Variants in LUC7L2 observed in about 807,000 individuals in gnomAD.
LUC7L2 encodes the protein putative RNA-binding protein Luc7-like 2.
In LUC7L2, 25 loss-of-function variants were observed where a neutral mutation model predicts 52.8. The observed-to-expected ratio is 0.47, with a 90% CI of 0.34 to 0.66. LUC7L2 has a LOEUF of 0.66. LUC7L2 is among the 30% of genes least tolerant of loss of function. The pLI is 0.01. For missense variants in LUC7L2, 328 were observed against 497.8 expected (o/e 0.66, Z 3.25); for synonymous variants, 144 against 160.9 (o/e 0.89, Z 0.80).
At chr7:139,375,494 A>AT (rs1363483354) in intron 1 of LUC7L2, 2 of 985,506 alleles carry the variant, frequency 2.0e-6, no homozygotes, top group East Asian at 1.1e-4. Flanking sequence ...TACCCTCTCT[A>AT]ACTCCTCCCA....
At chr7:139,376,263 T>C in intron 2 of LUC7L2, 107 bp downstream of exon 2, 1 of 1,109,498 alleles carries the variant, frequency 9.0e-7, no homozygotes. Context: ...GAGGGGAGAT[T>C]TGCATCCTTT....
chr7:139,408,717 C>T lies in LUC7L2; in HGVS notation c.688-846C>T, dbSNP rs192074558. 3.3e-5 allele frequency among the ~76,000 whole-genome samples: 5 copies of T among 152,040 alleles called. No individual in the cohort carries two copies. The East Asian group carries it at 9.7e-4, about 30-fold the overall frequency. The stretch of plus-strand genomic sequence containing the variant: ...ATTAGCTGGGTGTGGTGGCATGTGC[C>T]TGTAGTCCCAGCTACTCTGGAGACT... On this transcript the variant is annotated intron_variant, in intron 6 of 9. Transcript: ENST00000354926.
intron 2 of LUC7L2, among the ~76,000 whole-genome samples, chr7:139,393,338 G>A (rs991932479): frequency 3.9e-5 from 6 of 152,096 alleles, no homozygotes; most frequent in African/African-American, 1.4e-4. Flanking sequence ...GGCTTAAGCG[G>A]GAGGATTGCT....
intron 1 of LUC7L2, among the ~76,000 whole-genome samples, chr7:139,365,004 T>C (rs1049001792): frequency 2.0e-5 from 3 of 152,258 alleles, no homozygotes; most frequent in Non-Finnish European, 4.4e-5. Context: ...GGATATTTCT[T>C]AGTCTAGAGC....
rs71169090 is a variant in LUC7L2, at chr7:139,399,449, A to ATTTTTTTTTTTTTTTTTTTTTTT, written c.255+768_255+790dup. Among the ~76,000 whole-genome samples the ATTTTTTTTTTTTTTTTTTTTTTT allele has an allele frequency of 9.9e-5, 5 of 50,458 alleles. 1 individual carries two copies. The highest frequency in any genetic ancestry group is 1.6e-3 in the East Asian group (2 of 1,260). The allele number at this position is 50,458 out of a possible 152,430, so 33.1% of individuals were successfully genotyped here. A position where few individuals can be genotyped will look rare whatever the true frequency, so the allele number is the denominator to read the frequency against. On this transcript the variant is annotated intron_variant, in intron 3 of 9. Coordinates refer to ENST00000354926, the MANE Select transcript of LUC7L2 (RefSeq NM_016019.5). ...GGACATGCATATGGGTGTTTGGGGG[A>ATTTTTTTTTTTTTTTTTTTTTTT]TTTTTTTTTTTTTTTTTTTTTTTTT...
intron 1 of LUC7L2, among the ~76,000 whole-genome samples, chr7:139,368,912 A>G (rs1336998084): frequency 6.6e-6 from 1 of 152,026 alleles, no homozygotes; most frequent in Admixed American, 6.5e-5. Context: ...CGTCTCCTTC[A>G]TGGTGATCTG....
chr7:139,392,426 T>G (rs1262913279), intron 2 of LUC7L2: 3 of 388,076 alleles, frequency 7.7e-6, no homozygotes, highest in African/African-American at 2.1e-5. Context: ...TTTGTTACCT[T>G]TGTTAGTAAA....
intron 9 of LUC7L2, among the ~76,000 whole-genome samples, chr7:139,421,659 C>T (rs538346416): frequency 2.0e-5 from 3 of 152,194 alleles, no homozygotes; most frequent in East Asian, 3.9e-4. Context: ...AAACTGTTGC[C>T]GATAGGCCAA....
chr7:139,365,482 A>C (rs1183936385), intron 1 of LUC7L2, among the ~76,000 whole-genome samples: 1 of 152,170 alleles, frequency 6.6e-6, no homozygotes, highest in Non-Finnish European at 1.5e-5. Flanking sequence ...GTAGGAATTC[A>C]ATGGCCATGA....
intron 1 of LUC7L2, among the ~76,000 whole-genome samples, chr7:139,371,885 A>C (rs1181829432): frequency 3.3e-5 from 5 of 152,306 alleles, no homozygotes; most frequent in Non-Finnish European, 7.4e-5. Context: ...GATGAATAAT[A>C]TGCATCCTCA....
intron 1 of LUC7L2, among the ~76,000 whole-genome samples, chr7:139,361,479 A>G (rs1186156051): frequency 1.3e-5 from 2 of 152,238 alleles, no homozygotes; most frequent in Non-Finnish European, 2.9e-5. Flanking sequence ...TTGCATTCAA[A>G]TCTTTCAGCA....
At chr7:139,383,742 CT>C (rs1184899822) in intron 2 of LUC7L2, among the ~76,000 whole-genome samples, 2 of 132,384 alleles carry the variant, frequency 1.5e-5, no homozygotes, top group Admixed American at 7.6e-5. Flanking sequence ...TTTCTTTTTT[CT>C]TTTTTTTTGT....
chr7:139,400,542 G>A (rs9640925), intron 3 of LUC7L2, among the ~76,000 whole-genome samples: 58,356 of 151,972 alleles, frequency 0.38, 15,621 homozygotes, highest in African/African-American at 0.76. Context: ...TATTTCATTA[G>A]TTCTAAACGC....
chr7:139,390,597 C>A (rs1211050654), intron 2 of LUC7L2, among the ~76,000 whole-genome samples: 1 of 150,834 alleles, frequency 6.6e-6, no homozygotes, highest in Non-Finnish European at 1.5e-5. Flanking sequence ...GCTTTGTCGC[C>A]CAGGCTGGAG....
chr7:139,407,311 G>A lies in LUC7L2; in HGVS notation c.648G>A (p.Leu216=). 3 of 1,608,776 alleles carry A rather than the reference G, an allele frequency of 1.9e-6. No individual in the cohort carries two copies. The highest frequency in any genetic ancestry group is 2.5e-6 in the Non-Finnish European group (3 of 1,176,966). ...ATCATTTTGGGGGTAAACTGCACCT[G>A]GGATTTATTGAAATAAGAGAGAAGC... ...LADHFGGKLH[L]GFIEIREKLE... Residue 216 remains leucine (L), a synonymous_variant, in exon 6 of 10, where the codon CTG becomes CTA. Transcript: ENST00000354926.
chr7:139,353,630 T>G (rs1014625630), intron 1 of LUC7L2, among the ~76,000 whole-genome samples: 2 of 152,004 alleles, frequency 1.3e-5, no homozygotes, highest in African/African-American at 4.8e-5. Context: ...CCATCTCTAC[T>G]AAAAATACAA....
chr7:139,370,588 G>C (rs1800394290), intron 1 of LUC7L2, among the ~76,000 whole-genome samples: 1 of 152,156 alleles, frequency 6.6e-6, no homozygotes, highest in African/African-American at 2.4e-5. Context: ...CTCTGTAGCT[G>C]ATATTACAGA....
intron 1 of LUC7L2, among the ~76,000 whole-genome samples, chr7:139,366,882 C>T (rs1800184449): frequency 6.6e-6 from 1 of 152,188 alleles, no homozygotes; most frequent in Admixed American, 6.5e-5. Context: ...AGAAACCTTC[C>T]AGGTGATTCT....
chr7:139,361,786 G>A (rs1799897620), intron 1 of LUC7L2, among the ~76,000 whole-genome samples: 1 of 152,062 alleles, frequency 6.6e-6, no homozygotes, highest in Non-Finnish European at 1.5e-5. Context: ...GAGGGTATTG[G>A]GAACGGGTTT....
Sources: gnomAD v4.1 joint callset for allele counts (sites outside exome capture counted in the v4.1 genomes callset) on GRCh38, gnomAD v4.1.1 for gene constraint, MANE v1.5 for transcripts, NCBI Gene and HGNC (gene_info 2026-07-23, HGNC 2026-07-21) for gene names.